The following SIPA1L1 variants were observed in gnomAD, a reference collection of about 807,000 sequenced individuals.
SIPA1L1 encodes the protein signal-induced proliferation-associated 1-like protein 1.
Under a neutral mutation model 162.7 loss-of-function variants are expected in SIPA1L1, and 26 were observed. That is an observed-to-expected ratio of 0.16 (90% confidence interval 0.12 to 0.22). The LOEUF (loss-of-function observed/expected upper bound fraction) is 0.22, where lower values mean the gene tolerates loss of function less well. SIPA1L1 is among the 10% of genes least tolerant of loss of function. SIPA1L1 has a pLI of 1.00. For synonymous variants in SIPA1L1, 829 were observed against 837.4 expected (o/e 0.99, Z 0.17); for missense variants, 1,874 against 2,241.0 (o/e 0.84, Z 3.31).
At chr14:71,524,881 A>G (rs779700743) in intron 3 of SIPA1L1, among the ~76,000 whole-genome samples, 5 of 152,108 alleles carry the variant, frequency 3.3e-5, no homozygotes, top group Admixed American at 6.5e-5. Context: ...TGATACTTCT[A>G]TTCTCCTAAC....
At chr14:71,663,372 A>G (rs572334546) in intron 10 of SIPA1L1, among the ~76,000 whole-genome samples, 5 of 152,218 alleles carry the variant, frequency 3.3e-5, no homozygotes, top group Non-Finnish European at 7.3e-5. Flanking sequence ...TACTTGATGT[A>G]TATTTAGATT....
At chr14:71,527,147 G>C (rs1013504695) in intron 3 of SIPA1L1, among the ~76,000 whole-genome samples, 1 of 151,600 alleles carries the variant, frequency 6.6e-6, no homozygotes, top group Non-Finnish European at 1.5e-5. Flanking sequence ...ATTCTGTTTG[G>C]GTGGCTTGTC....
intron 7 of SIPA1L1, among the ~76,000 whole-genome samples, chr14:71,648,582 TA>T (rs2042365676): frequency 6.6e-6 from 1 of 152,148 alleles, no homozygotes; most frequent in Non-Finnish European, 1.5e-5. Context: ...AGAGGGATAA[TA>T]AAATGTATGA....
intron 2 of SIPA1L1, among the ~76,000 whole-genome samples, chr14:71,403,655 T>C (rs1214999216): frequency 2.0e-5 from 3 of 152,160 alleles, no homozygotes; most frequent in Non-Finnish European, 2.9e-5. Flanking sequence ...CATTCTACTT[T>C]TTTAAAATGG....
Position 71,542,367 on chromosome 14 carries a change from C to CCTGTTGCTGCTG in SIPA1L1, c.-303+13000_-303+13001insTTGCTGCTGCTG, listed in dbSNP as rs58791623. On this transcript the variant is annotated intron_variant, in intron 4 of 23. Coordinates refer to ENST00000381232, the MANE Select transcript of SIPA1L1 (RefSeq NM_001386936.1). ...TCCTTCTTTCCTCTTTCTTCTTCTT[C>CCTGTTGCTGCTG]CTGCTGCTGCTGCTGCTGCTTCTTC... 5.8e-5 allele frequency among the ~76,000 whole-genome samples: 8 copies of CCTGTTGCTGCTG among 137,496 alleles called. No individual in the cohort carries two copies. In the East Asian group the frequency reaches 1.8e-3, roughly 31 times the overall value. 90.2% of individuals were successfully genotyped at this position (137,496 alleles called of 152,430 possible).
At chr14:71,330,762 G>A (rs1048378222) in intron 2 of SIPA1L1, 8 of 787,134 alleles carry the variant, frequency 1.0e-5, no homozygotes, top group African/African-American at 6.7e-5. Context: ...TGTCTATCTC[G>A]GGCAAGGCCC....
chr14:71,695,364 C>G (rs1481104767), intron 13 of SIPA1L1, among the ~76,000 whole-genome samples: 1 of 152,174 alleles, frequency 6.6e-6, no homozygotes, highest in East Asian at 1.9e-4. Context: ...GAATGCCAGC[C>G]TTCTGGAAAT....
chr14:71,390,040 A>C lies in SIPA1L1; in HGVS notation c.-465+68859A>C, dbSNP rs569549362. On this transcript the variant is annotated intron_variant, in intron 2 of 23. Transcript: ENST00000381232. ...TGCAATTTATGAAGACTGGGGTAGG[A>C]TGATAATTTGTAATTTTCTTTGGGA... Among the ~76,000 whole-genome samples, 5 of 152,332 alleles carry C rather than the reference A, an allele frequency of 3.3e-5. 1 individual carries two copies. In the East Asian group the frequency reaches 9.6e-4, roughly 29 times the overall value.
intron 2 of SIPA1L1, among the ~76,000 whole-genome samples, chr14:71,457,096 TA>T (rs1280477812): frequency 1.3e-5 from 2 of 151,994 alleles, no homozygotes; most frequent in African/African-American, 4.8e-5. Context: ...TGACACTGTG[TA>T]GAATATATTT....
chr14:71,358,305 A>G (rs947984763), intron 2 of SIPA1L1, among the ~76,000 whole-genome samples: 1 of 152,240 alleles, frequency 6.6e-6, no homozygotes, highest in Non-Finnish European at 1.5e-5. Context: ...TGAAGTTGTA[A>G]GTTTCACTTG....
At chr14:71,552,615 C>T (rs2055960184) in intron 4 of SIPA1L1, among the ~76,000 whole-genome samples, 1 of 151,948 alleles carries the variant, frequency 6.6e-6, no homozygotes, top group African/African-American at 2.4e-5. Flanking sequence ...CCAAGATGGT[C>T]TCGATCTCCT....
chr14:71,337,150 C>G (rs970582078), intron 2 of SIPA1L1, among the ~76,000 whole-genome samples: 1 of 152,190 alleles, frequency 6.6e-6, no homozygotes, highest in African/African-American at 2.4e-5. Context: ...TTACGACATT[C>G]CTATTTGGTC....
chr14:71,377,114 C>G lies in SIPA1L1; in HGVS notation c.-465+55933C>G, dbSNP rs537460272. On this transcript the variant is annotated intron_variant, in intron 2 of 23. Transcript: ENST00000381232. The surrounding 1 kb of genome is among the most constrained non-coding windows in gnomAD (Gnocchi z 4.8). ...TCACTTTCCAGATGTGGCGGCCGGG[C>G]AGAGGGGCCCCCCCACCCCCCAGAT... Among the ~76,000 whole-genome samples, 2 of 151,132 alleles carry G rather than the reference C, an allele frequency of 1.3e-5. No homozygotes were observed. The highest frequency in any genetic ancestry group is 3.9e-4 in the East Asian group (2 of 5,074).
intron 2 of SIPA1L1, among the ~76,000 whole-genome samples, chr14:71,340,752 G>A (rs1199751680): frequency 2.0e-5 from 3 of 151,926 alleles, no homozygotes; most frequent in South Asian, 2.1e-4. Context: ...CCTGGCCAAC[G>A]TGGCGAAACC....
intron 5 of SIPA1L1, among the ~76,000 whole-genome samples, chr14:71,603,991 A>ATATATT (rs2037165991): frequency 6.9e-6 from 1 of 144,904 alleles, no homozygotes; most frequent in African/African-American, 2.5e-5. Flanking sequence ...ATATATTTAT[A>ATATATT]TATATATAAA....
intron 2 of SIPA1L1, among the ~76,000 whole-genome samples, chr14:71,416,783 A>G (rs34388001): frequency 0.18 from 28,079 of 151,988 alleles, 3,103 homozygotes; most frequent in Middle Eastern, 0.36. Flanking sequence ...TTGTATATAT[A>G]TAGTTTTATG....
intron 2 of SIPA1L1, among the ~76,000 whole-genome samples, chr14:71,477,529 T>G (rs1216237528): frequency 6.6e-6 from 1 of 152,182 alleles, no homozygotes; most frequent in Admixed American, 6.5e-5. Flanking sequence ...TTTTAACAGA[T>G]GGCGTCTCGC....
At chr14:71,736,496 G>C (rs1361149968) in intron 22 of SIPA1L1, among the ~76,000 whole-genome samples, 1 of 152,200 alleles carries the variant, frequency 6.6e-6, no homozygotes, top group Non-Finnish European at 1.5e-5. Flanking sequence ...TGAAGTAAAT[G>C]GCACAGATAA....
chr14:71,522,964 C>T (rs185695595), intron 3 of SIPA1L1, among the ~76,000 whole-genome samples: 5 of 152,158 alleles, frequency 3.3e-5, no homozygotes, highest in Non-Finnish European at 7.3e-5. Flanking sequence ...TGAGCCACTG[C>T]ACCCGACCTT....
Sources: allele counts gnomAD v4.1 joint callset (sites outside exome capture counted in the v4.1 genomes callset), GRCh38; gene constraint gnomAD v4.1.1; non-coding constraint Gnocchi (gnomAD v3.1); transcripts MANE v1.5; gene names NCBI Gene and HGNC (gene_info 2026-07-23, HGNC 2026-07-21).